Variants in FAP observed in about 807,000 individuals in gnomAD.
The protein encoded by FAP is fibroblast activation protein alpha.
Under a neutral mutation model 126.5 loss-of-function variants are expected in FAP, and 110 were observed. The ratio of observed to expected loss-of-function variants is 0.87; its 90% CI spans 0.74 to 1.02. FAP has a LOEUF of 1.02. FAP is among the 50% of genes least tolerant of loss of function. FAP has a pLI of 0.00. For synonymous variants in FAP, 334 were observed against 297.3 expected (o/e 1.12, Z -1.27); for missense variants, 919 against 909.2 (o/e 1.01, Z -0.14).
intron 21 of FAP, among the ~76,000 whole-genome samples, chr2:162,178,061 G>A (rs979843614): frequency 3.9e-5 from 6 of 152,188 alleles, no homozygotes; most frequent in African/African-American, 4.8e-5. Context: ...AACCTCTTTC[G>A]GGGAAACTGT....
At chr2:162,179,550 A>T (rs1008629372) in intron 21 of FAP, among the ~76,000 whole-genome samples, 1 of 152,132 alleles carries the variant, frequency 6.6e-6, no homozygotes, top group Non-Finnish European at 1.5e-5. Context: ...AGAGAAACTA[A>T]CAGACAGACA....
intron 12 of FAP, among the ~76,000 whole-genome samples, chr2:162,207,286 G>A (rs1688741260): frequency 6.6e-6 from 1 of 152,144 alleles, no homozygotes; most frequent in African/African-American, 2.4e-5. Context: ...AGGTGCCTTG[G>A]GAGAGTGTAA....
chr2:162,177,652 T>C (rs1687530118), intron 21 of FAP, among the ~76,000 whole-genome samples: 1 of 152,194 alleles, frequency 6.6e-6, no homozygotes, highest in South Asian at 2.1e-4. Context: ...TCCTCTTTCT[T>C]GTTTTGTCTT....
chr2:162,198,558 T>G (rs77577375), intron 16 of FAP, 199 bp downstream of exon 16: 20,881 of 776,318 alleles, frequency 0.027, 1,440 homozygotes, highest in Admixed American at 0.24. Context: ...TTCCCCAAAC[T>G]CTGTTTCCTC....
At chr2:162,240,086 G>A (rs980839065) in intron 2 of FAP, among the ~76,000 whole-genome samples, 13 of 152,270 alleles carry the variant, frequency 8.5e-5, no homozygotes, top group African/African-American at 2.9e-4. Context: ...TGCTTGTGAA[G>A]AAGAACCTCA....
intron 16 of FAP, 54 bp downstream of exon 16, chr2:162,198,703 G>A: frequency 6.2e-7 from 1 of 1,602,288 alleles, no homozygotes; most frequent in Non-Finnish European, 8.5e-7. Context: ...GAGGTGAGGA[G>A]GATGACAACC....
In FAP at chr2:162,218,158, G is replaced by C; in HGVS notation, c.608-18C>G. On this transcript the variant is annotated intron_variant, in intron 8 of 25. Transcript: ENST00000188790. ...CATTTCCTCTGAAAAATAAGTACTA[G>C]GATATTAACTATAATTACATCTTAC... 1 of 1,526,598 alleles carries C rather than the reference G, an allele frequency of 6.6e-7. No individual in the cohort carries two copies. The highest frequency in any genetic ancestry group is 1.2e-5 in the South Asian group (1 of 80,948). The allele number at this position is 1,526,598 out of a possible 1,614,324, so 94.6% of individuals were successfully genotyped here. A position where few individuals can be genotyped will look rare whatever the true frequency, so the allele number is the denominator to read the frequency against.
At chr2:162,242,115 A>G (rs1227419639) in intron 2 of FAP, among the ~76,000 whole-genome samples, 3 of 152,168 alleles carry the variant, frequency 2.0e-5, no homozygotes, top group South Asian at 2.1e-4. Flanking sequence ...ACACAAAGAC[A>G]TAAGACCTGT....
chr2:162,240,493 G>A (rs1690302054), intron 2 of FAP, among the ~76,000 whole-genome samples: 1 of 152,196 alleles, frequency 6.6e-6, no homozygotes, highest in Admixed American at 6.5e-5. Flanking sequence ...GGTGCAGAAA[G>A]CACTGGATTC....
At chr2:162,180,702 A>G (rs1687667210) in intron 21 of FAP, among the ~76,000 whole-genome samples, 1 of 152,222 alleles carries the variant, frequency 6.6e-6, no homozygotes, top group South Asian at 2.1e-4. Flanking sequence ...AATTTGGGTG[A>G]ATAAGTGTGT....
At chr2:162,233,237 C>CACT (rs1351412642) in intron 2 of FAP, among the ~76,000 whole-genome samples, 2 of 152,136 alleles carry the variant, frequency 1.3e-5, no homozygotes, top group Non-Finnish European at 2.9e-5. Context: ...AAGTAAATGG[C>CACT]ACTACCTACC....
intron 10 of FAP, among the ~76,000 whole-genome samples, chr2:162,215,242 T>C (rs574229781): frequency 7.2e-5 from 11 of 152,316 alleles, no homozygotes; most frequent in African/African-American, 2.6e-4. Context: ...AGACCCAAGA[T>C]TGGCCCGCTA....
At chr2:162,226,661 G>T (rs749713572) in intron 2 of FAP, 40 bp from the exon 3 acceptor site, 2 of 1,077,106 alleles carry the variant, frequency 1.9e-6, no homozygotes, top group Non-Finnish European at 2.8e-6. Flanking sequence ...TAAAAAGAAG[G>T]TTAACAACTC....
At chr2:162,177,497 G>C (rs1421162135) in intron 21 of FAP, among the ~76,000 whole-genome samples, 1 of 151,972 alleles carries the variant, frequency 6.6e-6, no homozygotes, top group African/African-American at 2.4e-5. Context: ...GCCTCAGGAC[G>C]TTTGCAAATG....
chr2:162,228,587 C>G (rs1689758965), intron 2 of FAP, among the ~76,000 whole-genome samples: 1 of 152,106 alleles, frequency 6.6e-6, no homozygotes, highest in Non-Finnish European at 1.5e-5. Flanking sequence ...CAACTAGACA[C>G]TGAATACTTA....
intron 2 of FAP, among the ~76,000 whole-genome samples, chr2:162,237,549 G>A (rs962125308): frequency 2.0e-5 from 3 of 152,162 alleles, no homozygotes; most frequent in African/African-American, 7.2e-5. Context: ...TCCCATGGCT[G>A]CATAGTATTC....
chr2:162,184,292 G>A lies in FAP; in HGVS notation c.1815-824C>T, dbSNP rs747232021. Among the ~76,000 whole-genome samples the A allele has an allele frequency of 5.3e-4, 81 of 152,258 alleles. 1 individual carries two copies. The highest frequency in any genetic ancestry group is 1.0e-3 in the Non-Finnish European group (70 of 68,022). ...TGGATCAGCCATTGCAGAAACCACC[G>A]TATGCAACAGTGACAGGAAGGAGGG... On this transcript the variant is annotated intron_variant, in intron 20 of 25. Coordinates refer to ENST00000188790, the MANE Select transcript of FAP (RefSeq NM_004460.5).
At chr2:162,176,533 CTT>C (rs973434776) in intron 21 of FAP, 1 of 152,120 alleles carries the variant, frequency 6.6e-6, no homozygotes, top group African/African-American at 2.4e-5. Context: ...CTGGTTTAAA[CTT>C]TCACTTATAA....
In FAP at chr2:162,217,998, A is replaced by T. The variant is rs1307546412; in HGVS notation, c.750T>A (p.Ile250=). 4 of 1,576,594 alleles carry T rather than the reference A, an allele frequency of 2.5e-6. No homozygotes were observed. Among genetic ancestry groups the T allele is most frequent in the Non-Finnish European group, 3.4e-6 (4 of 1,162,988 alleles). ...GTATTCAACATACCTTTGGGTATGG[A>T]ATATTTATTGTTCTAGGATATTGTT... is the stretch of plus-strand genomic sequence containing the variant. ...GDEQYPRTIN[I]PYPKAGAKNP... is the part of the protein sequence containing the mutation. The change falls in exon 9 of 26, where the codon ATT becomes ATA. Residue 250 remains isoleucine, a synonymous_variant. Transcript: ENST00000188790.
Sources: allele counts gnomAD v4.1 joint callset (sites outside exome capture counted in the v4.1 genomes callset), GRCh38; gene constraint gnomAD v4.1.1; transcripts MANE v1.5; gene names NCBI Gene and HGNC (gene_info 2026-07-23, HGNC 2026-07-21).